The following FAAH2 variants were observed in gnomAD, a reference collection of about 807,000 sequenced individuals.
FAAH2 encodes fatty acid amide hydrolase 2, also known as fatty-acid amide hydrolase 2.
FAAH2 carries 60 observed loss-of-function variants against 36.9 expected under a neutral mutation model. The observed-to-expected ratio is 1.63, with a 90% CI of 1.32 to 2.02. FAAH2 has a LOEUF of 2.02. Among genes scored for constraint, FAAH2 ranks in the 30% most tolerant of loss-of-function variants. The pLI, the probability that FAAH2 is intolerant of heterozygous loss-of-function variation, is 0.00. For missense variants in FAAH2, 689 were observed against 397.5 expected (o/e 1.73, Z -6.23); for synonymous variants, 214 against 143.8 (o/e 1.49, Z -3.49).
chrX:57,314,148 A>T (rs1445668359), intron 3 of FAAH2, among the ~76,000 whole-genome samples: 1 of 112,025 alleles, frequency 8.9e-6, no homozygotes, highest in African/African-American at 3.2e-5. Flanking sequence ...AAAGAAGGGC[A>T]TTATATAATG....
intron 7 of FAAH2, among the ~76,000 whole-genome samples, 198 bp downstream of exon 7, chrX:57,381,227 A>G (rs1569305654): frequency 9.0e-6 from 1 of 111,534 alleles, no homozygotes; most frequent in Non-Finnish European, 1.9e-5. Flanking sequence ...TGAAATGAGT[A>G]CTTTGAAAAT....
At chrX:57,479,388 G>A (rs192308811) in intron 10 of FAAH2, among the ~76,000 whole-genome samples, 4 of 111,240 alleles carry the variant, frequency 3.6e-5, no homozygotes, top group East Asian at 5.6e-4. Flanking sequence ...GGAGATTTTG[G>A]GCTGAGACAA....
intron 7 of FAAH2, among the ~76,000 whole-genome samples, chrX:57,388,826 TC>T (rs1476299705): frequency 9.0e-6 from 1 of 111,022 alleles, no homozygotes; most frequent in East Asian, 2.8e-4. Context: ...CTTTTGCCTT[TC>T]CCCTAATATC....
intron 8 of FAAH2, among the ~76,000 whole-genome samples, chrX:57,441,366 T>A (rs937696857): frequency 1.4e-4 from 16 of 111,746 alleles, no homozygotes; most frequent in Non-Finnish European, 3.0e-4. Context: ...CCGTTTCTTC[T>A]AGATTTTCTA....
At chrX:57,441,923 G>GT (rs1380489037) in intron 8 of FAAH2, among the ~76,000 whole-genome samples, 1 of 111,753 alleles carries the variant, frequency 8.9e-6, no homozygotes, top group Non-Finnish European at 1.9e-5. Flanking sequence ...GCTGTTTTGA[G>GT]TGAGTTACTT....
chrX:57,474,231 G>A (rs769188492), intron 10 of FAAH2, among the ~76,000 whole-genome samples: 7 of 111,262 alleles, frequency 6.3e-5, no homozygotes, highest in South Asian at 3.7e-4. Context: ...TGGGATACAC[G>A]TGTAGAATAT....
the FAAH2 span, among the ~76,000 whole-genome samples, chrX:57,161,866 A>G: frequency 5.4e-5 from 6 of 111,288 alleles, no homozygotes; most frequent in Admixed American, 5.7e-4. Context: ...TTACATTTAA[A>G]GTTAATATTG....
Position 57,399,351 on chromosome X carries a change from G to A in FAAH2, c.996+18322G>A, listed in dbSNP as rs138280165. ...GGTGCTATCAATGCCTAAGTGAAAGGTTTGGTGAAGGGTTTAAATAATTTC... is the reference window on the plus strand; with the variant it reads ...GGTGCTATCAATGCCTAAGTGAAAGATTTGGTGAAGGGTTTAAATAATTTC... On this transcript the variant is annotated intron_variant, in intron 7 of 10. Coordinates refer to ENST00000374900, the MANE Select transcript of FAAH2 (RefSeq NM_174912.4). Among the ~76,000 whole-genome samples the A allele has an allele frequency of 3.4e-4, 38 of 111,911 alleles. No individual in the cohort carries two copies. In the East Asian group the frequency reaches 6.2e-3, roughly 18 times the overall value.
Position 57,448,551 on chromosome X carries a change from G to A in FAAH2, c.1256G>A (p.Arg419Lys). ...CTGGCTTTGTTGGAAGAAAAGCTCA[G>A]ATATAGCAATGAGAAATACCAAAAG... ...IGLALLEEKLRYSNEKYQKFK... is the reference protein window; with the variant it reads ...IGLALLEEKLKYSNEKYQKFK... The change falls in exon 10 of 11, where the codon AGA becomes AAA. Residue 419 changes from arginine to lysine, a missense_variant. Coordinates refer to ENST00000374900, the MANE Select transcript of FAAH2 (RefSeq NM_174912.4). 8.3e-7 allele frequency: 1 copy of A among 1,211,043 alleles called. No individual in the cohort carries two copies. Among genetic ancestry groups the A allele is most frequent in the Non-Finnish European group, 1.1e-6 (1 of 895,273 alleles).
the FAAH2 span, among the ~76,000 whole-genome samples, chrX:57,149,708 G>T: frequency 5.1e-4 from 57 of 111,064 alleles, no homozygotes; most frequent in African/African-American, 1.8e-3. Flanking sequence ...CAAAAAAACA[G>T]CTCCTGGATT....
the FAAH2 span, among the ~76,000 whole-genome samples, chrX:57,219,225 C>T: frequency 2.7e-5 from 3 of 111,748 alleles, no homozygotes; most frequent in Non-Finnish European, 5.6e-5. Context: ...AGCCTCAGCC[C>T]GCCTGCACCC....
At chrX:57,137,312 T>C in the FAAH2 span, 11 of 758,058 alleles carry the variant, frequency 1.5e-5, no homozygotes, top group Non-Finnish European at 1.7e-5. Flanking sequence ...AACAGGCGAC[T>C]CGCTGAGTGA....
At chrX:57,418,974 T>G (rs2055927896) in intron 7 of FAAH2, among the ~76,000 whole-genome samples, 1 of 104,179 alleles carries the variant, frequency 9.6e-6, no homozygotes, top group African/African-American at 3.5e-5. Flanking sequence ...GGTGTTTGGT[T>G]TTTTGTCCTT....
intron 8 of FAAH2, among the ~76,000 whole-genome samples, chrX:57,433,647 A>C (rs1173372966): frequency 8.9e-6 from 1 of 111,951 alleles, no homozygotes; most frequent in Non-Finnish European, 1.9e-5. Flanking sequence ...CTCTTGTTTT[A>C]TAATATACAA....
intron 3 of FAAH2, among the ~76,000 whole-genome samples, chrX:57,327,495 G>A (rs958132349): frequency 1.2e-4 from 13 of 109,312 alleles, no homozygotes; most frequent in African/African-American, 4.3e-4. Context: ...CATAGATTTG[G>A]TGTTTTCACA....
At chrX:57,139,855 A>G in the FAAH2 span, among the ~76,000 whole-genome samples, 1 of 111,618 alleles carries the variant, frequency 9.0e-6, no homozygotes, top group Non-Finnish European at 1.9e-5. Context: ...CTGTAGCTCC[A>G]TATGAATTTT....
Position 57,306,988 on chromosome X carries a change from C to CAGATATATATATAT in FAAH2, c.276-3604_276-3603insGATATATATATATA, listed in dbSNP as rs1339824539. ...ATACACACACGTATACACACACACACACACAGATACATATATATATATATA... is the reference window on the plus strand; with the variant it reads ...ATACACACACGTATACACACACACACAGATATATATATATACACAGATACATATATATATATATA... On this transcript the variant is annotated intron_variant, in intron 2 of 10. Coordinates refer to ENST00000374900, the MANE Select transcript of FAAH2 (RefSeq NM_174912.4). 1.4e-3 allele frequency among the ~76,000 whole-genome samples: 14 copies of CAGATATATATATAT among 10,229 alleles called. 1 individual carries two copies. Among genetic ancestry groups the CAGATATATATATAT allele is most frequent in the African/African-American group, 1.6e-3 (14 of 8,978 alleles). 8.9% of individuals were successfully genotyped at this position (10,229 alleles called of 115,157 possible).
At chrX:57,448,226 C>T (rs779348466) in intron 9 of FAAH2, among the ~76,000 whole-genome samples, 1 of 112,094 alleles carries the variant, frequency 8.9e-6, no homozygotes, top group South Asian at 3.7e-4. Flanking sequence ...CAGCCTTGGC[C>T]TTGAGAAGTG....
At chrX:57,272,412 A>C in the FAAH2 span, among the ~76,000 whole-genome samples, 1 of 111,415 alleles carries the variant, frequency 9.0e-6, no homozygotes, top group Non-Finnish European at 1.9e-5. Context: ...AGAACACCAC[A>C]AAGATACTTC....
Sources: gnomAD v4.1 joint callset for allele counts (sites outside exome capture counted in the v4.1 genomes callset) on GRCh38, gnomAD v4.1.1 for gene constraint, MANE v1.5 for transcripts, NCBI Gene and HGNC (gene_info 2026-07-23, HGNC 2026-07-21) for gene names.